SLC25A37: variants seen among roughly 807,000 people sequenced by gnomAD.
The protein encoded by SLC25A37 is mitoferrin-1.
SLC25A37 carries 17 observed loss-of-function variants against 31.0 expected under a neutral mutation model. The ratio of observed to expected loss-of-function variants is 0.55; its 90% CI spans 0.38 to 0.82. The LOEUF (loss-of-function observed/expected upper bound fraction) is 0.82. SLC25A37 is among the 40% of genes least tolerant of loss of function. The probability of loss-of-function intolerance (pLI) is 0.00; values close to 1 mark genes in which losing one functional copy is unlikely to be tolerated. For synonymous variants in SLC25A37, 222 were observed against 193.0 expected (o/e 1.15, Z -1.24); for missense variants, 404 against 465.8 (o/e 0.87, Z 1.22).
intron 1 of SLC25A37, among the ~76,000 whole-genome samples, chr8:23,562,964 CAT>C (rs1802555334): frequency 2.0e-5 from 3 of 152,200 alleles, no homozygotes; most frequent in Admixed American, 2.0e-4. Context: ...TGAGCGATTT[CAT>C]ATGTCCTAAA....
Position 23,572,064 on chromosome 8 carries a change from A to G in SLC25A37, c.*209A>G. ...TCCGAGGTGGTGGTGGACAGGAAGG[A>G]CTTGGGAAGGGGAGCGAGAAATTGC... On this transcript the variant is annotated 3_prime_UTR_variant, in exon 4 of 4. Coordinates refer to ENST00000519973, the MANE Select transcript of SLC25A37 (RefSeq NM_016612.4). 1.8e-6 allele frequency: 1 copy of G among 563,396 alleles called. No homozygotes were observed. Among genetic ancestry groups the G allele is most frequent in the Non-Finnish European group, 3.1e-6 (1 of 325,714 alleles). 34.9% of individuals were successfully genotyped at this position (563,396 alleles called of 1,614,324 possible).
At chr8:23,565,481 C>G (rs1349791808) in intron 1 of SLC25A37, among the ~76,000 whole-genome samples, 1 of 117,404 alleles carries the variant, frequency 8.5e-6, no homozygotes, top group Non-Finnish European at 2.2e-5. Flanking sequence ...AACAAACTTG[C>G]TTTTACTTAA....
At chr8:23,559,193 G>A (rs1379093475) in intron 1 of SLC25A37, among the ~76,000 whole-genome samples, 1 of 152,224 alleles carries the variant, frequency 6.6e-6, no homozygotes, top group Non-Finnish European at 1.5e-5. Context: ...GTATGGTAAT[G>A]TGCTTATGCA....
At chr8:23,560,809 G>T (rs1802496416) in intron 1 of SLC25A37, among the ~76,000 whole-genome samples, 1 of 152,146 alleles carries the variant, frequency 6.6e-6, no homozygotes, top group South Asian at 2.1e-4. Flanking sequence ...AGGATGCACC[G>T]GGGAAAAGAA....
chr8:23,529,103 A>C lies in SLC25A37; in HGVS notation c.101A>C (p.Glu34Ala). Residue 34 changes from glutamate (E) to alanine (A), a missense_variant, in exon 1 of 4, where the codon GAG becomes GCG. Glu to Ala is a moderately radical substitution (Grantham distance 107). Coordinates refer to ENST00000519973, the MANE Select transcript of SLC25A37 (RefSeq NM_016612.4). This position sits in a 1 kb window ranked among gnomAD's most constrained non-coding sequence, Gnocchi z 4.1. ...GGGGKDATGS[E>A]DYENLPTSAS... ...GGCGGCAAGGACGCCACCGGGTCGGAGGACTACGAGAACCTGCCGACTAGC... is the reference window on the plus strand; with the variant it reads ...GGCGGCAAGGACGCCACCGGGTCGGCGGACTACGAGAACCTGCCGACTAGC... 6.2e-7 allele frequency: 1 copy of C among 1,609,264 alleles called. No individual in the cohort carries two copies. The highest frequency in any genetic ancestry group is 8.5e-7 in the Non-Finnish European group (1 of 1,178,492).
At chr8:23,566,841 A>G (rs1257123041) in intron 2 of SLC25A37, 1 of 985,734 alleles carries the variant, frequency 1.0e-6, no homozygotes, top group African/African-American at 1.7e-5. Flanking sequence ...CTGACAAAGG[A>G]CTCGCGCAAC....
chr8:23,563,072 A>T (rs1013242050), intron 1 of SLC25A37, among the ~76,000 whole-genome samples: 11 of 152,244 alleles, frequency 7.2e-5, no homozygotes, highest in African/African-American at 2.7e-4. Context: ...CGGGAGCTGA[A>T]TGAGGTGTTG....
chr8:23,548,842 T>A (rs1224852168), intron 1 of SLC25A37, among the ~76,000 whole-genome samples: 1 of 152,170 alleles, frequency 6.6e-6, no homozygotes, highest in African/African-American at 2.4e-5. Flanking sequence ...CTGCTCTGTC[T>A]GGTGTTCAGG....
rs1206223647 is a variant in SLC25A37 at position 23,573,843 on chromosome 8, A to G, written c.*1988A>G. On this transcript the variant is annotated 3_prime_UTR_variant, in exon 4 of 4. Transcript: ENST00000519973. The stretch of plus-strand genomic sequence containing the variant: ...GCTCTGCCCCCCACTCCCCAAAACC[A>G]GTTGCAGCCTCAACCCACATGGGGA... The G allele has an allele frequency of 1.1e-5, 5 of 456,582 alleles. No homozygotes were observed. The highest frequency in any genetic ancestry group is 3.2e-4 in the Middle Eastern group (1 of 3,098). The allele number at this position is 456,582 out of a possible 1,614,324, so 28.3% of individuals were successfully genotyped here. A position where few individuals can be genotyped will look rare whatever the true frequency, so the allele number is the denominator to read the frequency against.
chr8:23,558,548 C>T lies in SLC25A37; in HGVS notation c.211-7560C>T, dbSNP rs73555581. Among the ~76,000 whole-genome samples the T allele has an allele frequency of 4.9e-3, 751 of 152,338 alleles. 8 individuals carry two copies. The highest frequency in any genetic ancestry group is 0.017 in the African/African-American group (717 of 41,582). ...CTCCCTCCTCCCCGCAGTGAGAGAA[C>T]GGGCCAGTGAGACAGGCCTTTCCTG... On this transcript the variant is annotated intron_variant, in intron 1 of 3. Coordinates refer to ENST00000519973, the MANE Select transcript of SLC25A37 (RefSeq NM_016612.4).
chr8:23,555,788 AG>A (rs1393837009), intron 1 of SLC25A37, among the ~76,000 whole-genome samples: 1 of 152,224 alleles, frequency 6.6e-6, no homozygotes, highest in Non-Finnish European at 1.5e-5. Flanking sequence ...GGAAAGACAG[AG>A]GAGCCTTTAT....
At chr8:23,560,764 A>G (rs1032605959) in intron 1 of SLC25A37, among the ~76,000 whole-genome samples, 1 of 152,188 alleles carries the variant, frequency 6.6e-6, no homozygotes, top group African/African-American at 2.4e-5. Flanking sequence ...CTGAGGCAGA[A>G]CTCAATCTTT....
intron 1 of SLC25A37, among the ~76,000 whole-genome samples, chr8:23,558,484 C>T (rs571908152): frequency 1.3e-5 from 2 of 152,290 alleles, no homozygotes; most frequent in Admixed American, 6.5e-5. Context: ...GTTACATGAT[C>T]CCGCCAGCTC....
chr8:23,534,185 T>C (rs1395404192), intron 1 of SLC25A37, among the ~76,000 whole-genome samples: 1 of 152,154 alleles, frequency 6.6e-6, no homozygotes, highest in Non-Finnish European at 1.5e-5. Context: ...ACTCCTGGGC[T>C]CAAGCGATCC....
At chr8:23,539,353 A>G (rs577561041) in intron 1 of SLC25A37, among the ~76,000 whole-genome samples, 3 of 152,152 alleles carry the variant, frequency 2.0e-5, no homozygotes, top group East Asian at 3.9e-4. Flanking sequence ...AGGCTCTGGG[A>G]CCTTGAGTTC....
chr8:23,569,776 G>T (rs1361919966), intron 3 of SLC25A37, among the ~76,000 whole-genome samples: 1 of 151,756 alleles, frequency 6.6e-6, no homozygotes, highest in Admixed American at 6.6e-5. Context: ...CCGGGTACTC[G>T]TGTCTGAATA....
chr8:23,566,299 C>T lies in SLC25A37; in HGVS notation c.402C>T (p.Asp134=), dbSNP rs568296478. Residue 134 remains aspartate, a synonymous_variant, in exon 2 of 4, where the codon GAC becomes GAT. Coordinates refer to ENST00000519973, the MANE Select transcript of SLC25A37 (RefSeq NM_016612.4). ...CYENMKRTLN[D]VFHHQGNSHL... ...AAAACATGAAAAGGACTTTAAATGA[C>T]GTTTTCCACCACCAAGGAAACAGCC... 1.2e-5 allele frequency: 19 copies of T among 1,595,016 alleles called. No homozygotes were observed. Among genetic ancestry groups the T allele is most frequent in the African/African-American group, 6.8e-5 (5 of 73,890 alleles).
In SLC25A37 at chr8:23,573,833, C is replaced by T. The variant is rs1227789092; in HGVS notation, c.*1978C>T. 6.6e-6 allele frequency: 3 copies of T among 456,626 alleles called. No individual in the cohort carries two copies. The highest frequency in any genetic ancestry group is 1.3e-5 in the Non-Finnish European group (3 of 226,984). 28.3% of individuals were successfully genotyped at this position (456,626 alleles called of 1,614,324 possible). Reference sequence around the variant, plus strand: ...CCTTCTCCCTGCTCTGCCCCCCACTCCCCAAAACCAGTTGCAGCCTCAACC... The same window carrying T: ...CCTTCTCCCTGCTCTGCCCCCCACTTCCCAAAACCAGTTGCAGCCTCAACC... On this transcript the variant is annotated 3_prime_UTR_variant, in exon 4 of 4. Coordinates refer to ENST00000519973, the MANE Select transcript of SLC25A37 (RefSeq NM_016612.4).
intron 1 of SLC25A37, among the ~76,000 whole-genome samples, chr8:23,532,237 A>G (rs1354975440): frequency 6.6e-6 from 1 of 152,214 alleles, no homozygotes; most frequent in Non-Finnish European, 1.5e-5. Flanking sequence ...TCATTCATCC[A>G]TAAAGGGCCA....
Sources: gnomAD v4.1 joint callset for allele counts (sites outside exome capture counted in the v4.1 genomes callset) on GRCh38, gnomAD v4.1.1 for gene constraint, Gnocchi (gnomAD v3.1) non-coding constraint, MANE v1.5 for transcripts, NCBI Gene and HGNC (gene_info 2026-07-23, HGNC 2026-07-21) for gene names.